HOGA1: variants seen among roughly 807,000 people sequenced by gnomAD.
The protein encoded by HOGA1 is 4-hydroxy-2-oxoglutarate aldolase 1, also known as 4-hydroxy-2-oxoglutarate aldolase, mitochondrial.
In HOGA1, 30 loss-of-function variants were observed where a neutral mutation model predicts 34.3. The observed-to-expected ratio is 0.87, with a 90% CI of 0.65 to 1.19. The LOEUF (loss-of-function observed/expected upper bound fraction) is 1.19. Ranked by LOEUF, HOGA1 falls within the 50% of genes most tolerant of loss-of-function variation. The probability of loss-of-function intolerance (pLI) is 0.00; values close to 1 mark genes in which losing one functional copy is unlikely to be tolerated. For missense variants in HOGA1, 417 were observed against 436.5 expected (o/e 0.96, Z 0.40); for synonymous variants, 161 against 174.0 (o/e 0.93, Z 0.59).
intron 1 of HOGA1, among the ~76,000 whole-genome samples, chr10:97,595,274 C>G (rs940432147): frequency 2.0e-5 from 3 of 152,224 alleles, no homozygotes; most frequent in African/African-American, 7.2e-5. Context: ...CCCTTCAACA[C>G]CAGCCACCCT....
chr10:97,588,488 G>A (rs944999630), intron 1 of HOGA1, among the ~76,000 whole-genome samples: 2 of 152,200 alleles, frequency 1.3e-5, no homozygotes, highest in African/African-American at 4.8e-5. Context: ...GATTACAGGC[G>A]TGAGCCACAG....
intron 5 of HOGA1, chr10:97,600,783 T>C (rs2041109732): frequency 1.2e-5 from 2 of 161,578 alleles, no homozygotes; most frequent in Admixed American, 5.8e-5. Context: ...GAGGGACTTT[T>C]CCAGCACTGC....
chr10:97,591,570 A>G (rs892999276), intron 1 of HOGA1, among the ~76,000 whole-genome samples: 1 of 152,066 alleles, frequency 6.6e-6, no homozygotes, highest in East Asian at 1.9e-4. Context: ...TGCATTAGCT[A>G]TTTAACCTGA....
chr10:97,584,593 G>A lies in HOGA1; in HGVS notation c.-111G>A, dbSNP rs1176798782. The A allele has an allele frequency of 5.8e-6, 6 of 1,031,742 alleles. No homozygotes were observed. The African/African-American group carries it at 6.3e-5, about 11-fold the overall frequency. 63.9% of individuals were successfully genotyped at this position (1,031,742 alleles called of 1,614,324 possible). On this transcript the variant is annotated 5_prime_UTR_variant, in exon 1 of 7. Transcript: ENST00000370646. Reference sequence around the variant, plus strand: ...TGCCCCAGTGGCCACAAGTCAGGGAGGCCGCAAATTTTTAACTAGAAACAT... The same window carrying A: ...TGCCCCAGTGGCCACAAGTCAGGGAAGCCGCAAATTTTTAACTAGAAACAT...
At chr10:97,608,991 C>T (rs921956043) in intron 6 of HOGA1, among the ~76,000 whole-genome samples, 9 of 152,120 alleles carry the variant, frequency 5.9e-5, no homozygotes, top group Non-Finnish European at 1.2e-4. Context: ...ACAGCTGTAT[C>T]CTTACCTCAA....
intron 3 of HOGA1, 90 bp from the exon 4 acceptor site, chr10:97,599,590 C>T (rs2041099790): frequency 6.5e-7 from 1 of 1,548,128 alleles, no homozygotes; most frequent in South Asian, 1.1e-5. Flanking sequence ...TGTAGTGAAG[C>T]AGGCTGGGAC....
rs759795758 is a variant in HOGA1 at position 97,584,792 on chromosome 10, G to A, written c.89G>A (p.Gly30Glu). The A allele has an allele frequency of 2.0e-5, 32 of 1,613,950 alleles. No homozygotes were observed. The highest frequency in any genetic ancestry group is 5.0e-5 in the Admixed American group (3 of 59,996). The change falls in exon 1 of 7, where the codon GGG becomes GAG. Residue 30 changes from glycine (G) to glutamate (E), a missense_variant. Gly to Glu is a moderately conservative substitution (Grantham distance 98). Coordinates refer to ENST00000370646, the MANE Select transcript of HOGA1 (RefSeq NM_138413.4). ...GTGGGGGTCTGGGCCTCAGGGGAGG[G>A]GAAGAAGGTGGACATTGCGGGTATC... is the stretch of plus-strand genomic sequence containing the variant. ...RNVGVWASGE[G>E]KKVDIAGIYP...
intron 6 of HOGA1, 37 bp from the exon 7 acceptor site, chr10:97,611,473 A>G (rs931418555): frequency 4.3e-6 from 7 of 1,613,830 alleles, no homozygotes; most frequent in Non-Finnish European, 5.9e-6. Context: ...GTGTTCAGCA[A>G]ATTTCTCAGT....
intron 6 of HOGA1, chr10:97,602,638 C>G: frequency 1.2e-6 from 1 of 864,094 alleles, no homozygotes; most frequent in Non-Finnish European, 1.4e-6. Flanking sequence ...CTTCCTTCCT[C>G]CCTCCCTCCC....
In HOGA1 at chr10:97,593,029, C is replaced by CAAAAAAAAAAAA. The variant is rs1169191059; in HGVS notation, c.212-5735_212-5724dup. 1.9e-3 allele frequency among the ~76,000 whole-genome samples: 89 copies of CAAAAAAAAAAAA among 47,788 alleles called. 1 individual carries two copies. Among genetic ancestry groups the CAAAAAAAAAAAA allele is most frequent in the African/African-American group, 4.5e-3 (51 of 11,404 alleles). The allele number at this position is 47,788 out of a possible 152,430, so 31.4% of individuals were successfully genotyped here. On this transcript the variant is annotated intron_variant, in intron 1 of 6. Coordinates refer to ENST00000370646, the MANE Select transcript of HOGA1 (RefSeq NM_138413.4). Reference sequence around the variant, plus strand: ...TGGGCGACAGAGTGAGACTCTGTCTCAAAAAAAAAAAAAAAAAAAAAAGAG... The same window carrying CAAAAAAAAAAAA: ...TGGGCGACAGAGTGAGACTCTGTCTCAAAAAAAAAAAAAAAAAAAAAAAAAAAAAAAAAAGAG...
Position 97,599,734 on chromosome 10 carries a change from G to A in HOGA1, c.523G>A (p.Gly175Arg). ...VVLYSVPANT[G>R]LDLPVDAVVT... Reference sequence around the variant, plus strand: ...GCTGTACAGTGTCCCAGCCAACACAGGGCTGGACCTGCCTGTGGATGCAGT... The same window carrying A: ...GCTGTACAGTGTCCCAGCCAACACAAGGCTGGACCTGCCTGTGGATGCAGT... The change falls in exon 4 of 7, where the codon GGG (glycine) becomes AGG (arginine). Residue 175 changes from glycine (G) to arginine (R), a missense_variant. Transcript: ENST00000370646. 8 of 1,614,146 alleles carry A rather than the reference G, an allele frequency of 5.0e-6. No homozygotes were observed. The highest frequency in any genetic ancestry group is 6.8e-6 in the Non-Finnish European group (8 of 1,180,004).
chr10:97,611,512 G>A lies in HOGA1; in HGVS notation c.837G>A (p.Val279=), dbSNP rs753100141. Reference sequence around the variant, plus strand: ...TTCTAACAGGCCCTGCTTTGCAGGTGACCCGGCGCTTTGGGATCCCAGGGC... The same window carrying A: ...TTCTAACAGGCCCTGCTTTGCAGGTAACCCGGCGCTTTGGGATCCCAGGGC... The part of the protein sequence containing the change: ...QHRLIEPNAA[V]TRRFGIPGLK... Residue 279 remains valine (V), a splice_region_variant and synonymous_variant, in exon 7 of 7, where the codon GTG becomes GTA. Transcript: ENST00000370646. 4.3e-6 allele frequency: 7 copies of A among 1,614,116 alleles called. No homozygotes were observed. The Middle Eastern group carries it at 6.6e-4, about 152-fold the overall frequency.
At chr10:97,588,984 C>T (rs2040995154) in intron 1 of HOGA1, among the ~76,000 whole-genome samples, 5 of 152,106 alleles carry the variant, frequency 3.3e-5, no homozygotes, top group Admixed American at 3.3e-4. Context: ...GGCCAGCCAG[C>T]CCACCTGCTC....
chr10:97,588,970 G>A (rs1193949860), intron 1 of HOGA1, among the ~76,000 whole-genome samples: 1 of 152,096 alleles, frequency 6.6e-6, no homozygotes, highest in South Asian at 2.1e-4. Context: ...CCTATGGAAA[G>A]CCTGGCCAGC....
chr10:97,600,201 C>T (rs2041105832), intron 5 of HOGA1, 38 bp downstream of exon 5: 1 of 1,512,026 alleles, frequency 6.6e-7, no homozygotes, highest in Non-Finnish European at 9.2e-7. Context: ...CATGGGTGAC[C>T]AAGAGATACC....
intron 1 of HOGA1, among the ~76,000 whole-genome samples, chr10:97,598,349 C>T (rs2041086733): frequency 6.6e-6 from 1 of 152,214 alleles, no homozygotes; most frequent in Admixed American, 6.5e-5. Flanking sequence ...GTGTTCTAAC[C>T]TTACAACAGA....
chr10:97,596,858 A>G (rs982729748), intron 1 of HOGA1, among the ~76,000 whole-genome samples: 32 of 152,200 alleles, frequency 2.1e-4, no homozygotes, highest in African/African-American at 7.7e-4. Context: ...CCCCTGAAGG[A>G]TGACTCACAG....
rs759915982 is a variant in HOGA1 at position 97,590,589 on chromosome 10, C to T, written c.211+5675C>T. 11 of 1,601,986 alleles carry T rather than the reference C, an allele frequency of 6.9e-6. No individual in the cohort carries two copies. In the East Asian group the frequency reaches 2.5e-4, roughly 36 times the overall value. The stretch of plus-strand genomic sequence containing the variant: ...CACTAGATCTGTGACTTCTTGGAAG[C>T]CACCTAACCATGGATGGAGACGCCC... On this transcript the variant is annotated intron_variant, in intron 1 of 6. Transcript: ENST00000370646.
chr10:97,601,785 T>C, intron 5 of HOGA1, 72 bp from the exon 6 acceptor site: 3 of 1,578,266 alleles, frequency 1.9e-6, no homozygotes, highest in South Asian at 2.2e-5. Flanking sequence ...GCTGAAGAGG[T>C]GCTGGGACCA....
Sources: allele counts gnomAD v4.1 joint callset (sites outside exome capture counted in the v4.1 genomes callset), GRCh38; gene constraint gnomAD v4.1.1; transcripts MANE v1.5; gene names NCBI Gene and HGNC (gene_info 2026-07-23, HGNC 2026-07-21).